Variants in CENPF observed in about 807,000 individuals in gnomAD.
The protein encoded by CENPF is centromere protein F.
Under a neutral mutation model 307.3 loss-of-function variants are expected in CENPF, and 214 were observed. The observed-to-expected ratio is 0.70, with a 90% CI of 0.62 to 0.78. The LOEUF (loss-of-function observed/expected upper bound fraction) is 0.78, where lower values mean the gene tolerates loss of function less well. Ranked by LOEUF, CENPF falls within the 30% of genes least tolerant of loss-of-function variation. The pLI is 0.00. For missense variants in CENPF, 3,401 were observed against 3,483.9 expected, an observed-to-expected ratio of 0.98 and a Z score of 0.60; for synonymous variants, 1,259 against 1,270.6, an observed-to-expected ratio of 0.99 and a Z score of 0.19.
At chr1:214,605,765 C>T in intron 1 of CENPF, 1 of 1,593,764 alleles carries the variant, frequency 6.3e-7, no homozygotes, top group Non-Finnish European at 8.5e-7. Context: ...GTGCCTGGTG[C>T]CCTCCACCCA....
chr1:214,608,824 A>T (rs1202568589), intron 1 of CENPF: 1 of 1,594,790 alleles, frequency 6.3e-7, no homozygotes, highest in African/African-American at 1.4e-5. Context: ...GAGCTCACTC[A>T]GCGACAGCCC....
At chr1:214,606,746 C>T (rs1215627499) in intron 1 of CENPF, among the ~76,000 whole-genome samples, 1 of 152,120 alleles carries the variant, frequency 6.6e-6, no homozygotes, top group Non-Finnish European at 1.5e-5. Flanking sequence ...CAGCTCCCAC[C>T]CAGGGCCACC....
rs751666266 is a variant in CENPF, at chr1:214,645,029, C to G, written c.5459C>G (p.Thr1820Ser). The change falls in exon 13 of 20, where the codon ACC becomes AGC. Residue 1820 changes from threonine to serine, a missense_variant. Thr to Ser is a moderately conservative substitution (Grantham distance 58, BLOSUM62 1). Transcript: ENST00000366955. ...CATTTACAGGAGGTACAACTAATGA[C>G]CAAAATTGAAGCATGCATAGAATTG... ...KLHLQEVQLM[T>S]KIEACIELEK... 11 of 1,613,556 alleles carry G rather than the reference C, an allele frequency of 6.8e-6. No homozygotes were observed. The East Asian group carries it at 1.6e-4, about 23-fold the overall frequency.
Position 214,645,775 on chromosome 1 carries a change from G to T in CENPF, c.6205G>T (p.Val2069Phe), listed in dbSNP as rs1658277291. Residue 2069 changes from valine to phenylalanine, a missense_variant, in exon 13 of 20, where the codon GTC (valine) becomes TTC (phenylalanine). Physicochemically the swap from Val to Phe is conservative, Grantham distance 50. Coordinates refer to ENST00000366955, the MANE Select transcript of CENPF (RefSeq NM_016343.4). ...ACTGAATAAAGAGAAAGAATTGCTT[G>T]TCAAGGAATCTGAAAGCCTGCAGGC... ...AQLNKEKELL[V>F]KESESLQARL... The T allele has an allele frequency of 1.9e-6, 3 of 1,614,194 alleles. No individual in the cohort carries two copies. The highest frequency in any genetic ancestry group is 1.3e-5 in the African/African-American group (1 of 75,048).
chr1:214,608,673 C>T (rs1657107606), intron 1 of CENPF: 7 of 1,598,952 alleles, frequency 4.4e-6, no homozygotes, highest in South Asian at 1.1e-5. Flanking sequence ...AGGAGGCCCG[C>T]AGGGTCCCCA....
chr1:214,646,177 T>G lies in CENPF; in HGVS notation c.6607T>G (p.Leu2203Val). Reference protein sequence around the residue: ...EMARSLKVFELDLVTLRSEKE... With the variant: ...EMARSLKVFEVDLVTLRSEKE... ...GGCCAGAAGCCTGAAAGTTTTTGAA[T>G]TAGACCTTGTCACGTTAAGGTCTGA... is the stretch of plus-strand genomic sequence containing the variant. The change falls in exon 13 of 20, where the codon TTA becomes GTA. Residue 2203 changes from leucine to valine, a missense_variant. Coordinates refer to ENST00000366955, the MANE Select transcript of CENPF (RefSeq NM_016343.4). 6.2e-7 allele frequency: 1 copy of G among 1,613,438 alleles called. No homozygotes were observed. Among genetic ancestry groups the G allele is most frequent in the Non-Finnish European group, 8.5e-7 (1 of 1,179,904 alleles).
chr1:214,619,633 G>A (rs1657452729), intron 5 of CENPF, among the ~76,000 whole-genome samples: 1 of 152,112 alleles, frequency 6.6e-6, no homozygotes, highest in South Asian at 2.1e-4. Context: ...TTGTTCACGT[G>A]TTATTTGCTG....
chr1:214,663,910 C>G lies in CENPF; in HGVS notation c.*116C>G. The G allele has an allele frequency of 1.3e-6, 1 of 765,136 alleles. No homozygotes were observed. The highest frequency in any genetic ancestry group is 1.7e-5 in the African/African-American group (1 of 57,176). The allele number at this position is 765,136 out of a possible 1,614,324, so 47.4% of individuals were successfully genotyped here. ...TTTATTAGTGAGGAGAAAACAATTC[C>G]TTAGAAGTCTTAAATATATTGTACT... On this transcript the variant is annotated 3_prime_UTR_variant, in exon 20 of 20. Transcript: ENST00000366955.
In CENPF at chr1:214,655,473, G is replaced by C. The variant is rs568916115; in HGVS notation, c.8485+70G>C. On this transcript the variant is annotated intron_variant, in intron 17 of 19. Transcript: ENST00000366955. ...AGTAGTGAAATAACATATGGTATGC[G>C]TGCATAGGAACTATTTTTAGTGCTG... The C allele has an allele frequency of 2.4e-6, 3 of 1,252,664 alleles. No homozygotes were observed. In the African/African-American group the frequency reaches 4.6e-5, roughly 19 times the overall value. 77.6% of individuals were successfully genotyped at this position (1,252,664 alleles called of 1,614,324 possible). A position where few individuals can be genotyped will look rare whatever the true frequency, so the allele number is the denominator to read the frequency against.
intron 10 of CENPF, among the ~76,000 whole-genome samples, chr1:214,632,923 G>A (rs1657848568): frequency 6.6e-6 from 1 of 152,168 alleles, no homozygotes; most frequent in African/African-American, 2.4e-5. Context: ...CCCCCAGGGA[G>A]GTGGAAAGAT....
Position 214,646,805 on chromosome 1 carries a change from A to AAAT in CENPF, c.7241_7243dup (p.Ile2414dup). 4 of 1,610,488 alleles carry AAAT rather than the reference A, an allele frequency of 2.5e-6. No homozygotes were observed. The highest frequency in any genetic ancestry group is 3.4e-6 in the Non-Finnish European group (4 of 1,178,868). On this transcript the variant is annotated inframe_insertion, in exon 13 of 20. Coordinates refer to ENST00000366955, the MANE Select transcript of CENPF (RefSeq NM_016343.4). ...GAGCAAGAGCGAATATCTGAATTAG[A>AAAT]AATAATAAATTCATCATTTGAAAAT...
chr1:214,621,256 C>T (rs1332939250), intron 6 of CENPF, among the ~76,000 whole-genome samples: 1 of 152,212 alleles, frequency 6.6e-6, no homozygotes, highest in Non-Finnish European at 1.5e-5. Flanking sequence ...CCCCATGCTT[C>T]TCATCTGGCT....
At chr1:214,630,134 AAAG>A (rs142676150) in intron 8 of CENPF, among the ~76,000 whole-genome samples, 5,283 of 152,248 alleles carry the variant, frequency 0.035, 318 homozygotes, top group African/African-American at 0.12. Context: ...AAGCCCATTT[AAAG>A]TGGTATACAG....
intron 14 of CENPF, among the ~76,000 whole-genome samples, chr1:214,650,729 C>CT (rs1016778264): frequency 1.3e-5 from 2 of 150,702 alleles, no homozygotes; most frequent in African/African-American, 5.0e-5. Context: ...TGGCAAAACT[C>CT]TGTTTCTACA....
At position 214,608,468 on chromosome 1, in the gene CENPF, C is replaced by T. The variant is rs550580192; in HGVS notation, c.-42+5147C>T. ...CCAATGTAGAAGCTGCTCATCTGGC[C>T]CAGGTCCACGGCATTGCTGTGCGAG... On this transcript the variant is annotated intron_variant, in intron 1 of 19. Coordinates refer to ENST00000366955, the MANE Select transcript of CENPF (RefSeq NM_016343.4). 2.3e-5 allele frequency: 37 copies of T among 1,613,032 alleles called. No individual in the cohort carries two copies. The African/African-American group carries it at 4.9e-4, about 22-fold the overall frequency.
At chr1:214,636,957 T>G (rs532302547) in intron 10 of CENPF, among the ~76,000 whole-genome samples, 6 of 152,224 alleles carry the variant, frequency 3.9e-5, no homozygotes, top group African/African-American at 7.2e-5. Context: ...GTGAGTCTTA[T>G]GTGGTTAATA....
intron 7 of CENPF, among the ~76,000 whole-genome samples, chr1:214,627,519 G>A (rs113828543): frequency 9.9e-5 from 15 of 151,770 alleles, no homozygotes; most frequent in Non-Finnish European, 1.8e-4. Context: ...GATTACAGGC[G>A]CATGCCACCA....
intron 7 of CENPF, among the ~76,000 whole-genome samples, chr1:214,627,637 A>G (rs1454593437): frequency 1.3e-5 from 2 of 151,756 alleles, no homozygotes; most frequent in East Asian, 3.9e-4. Context: ...TGGCCTCCCA[A>G]AGTGCTGGGA....
At chr1:214,634,153 T>C (rs1200634819) in intron 10 of CENPF, among the ~76,000 whole-genome samples, 1 of 152,202 alleles carries the variant, frequency 6.6e-6, no homozygotes, top group Non-Finnish European at 1.5e-5. Flanking sequence ...GGTGCATGCA[T>C]CACATTTCAC....
Sources: gnomAD v4.1 joint callset for allele counts (sites outside exome capture counted in the v4.1 genomes callset) on GRCh38, gnomAD v4.1.1 for gene constraint, MANE v1.5 for transcripts, NCBI Gene and HGNC (gene_info 2026-07-23, HGNC 2026-07-21) for gene names.